PIP5K1B: variants seen among roughly 807,000 people sequenced by gnomAD.
PIP5K1B encodes phosphatidylinositol 4-phosphate 5-kinase type-1 beta.
Under a neutral mutation model 67.0 loss-of-function variants are expected in PIP5K1B, and 42 were observed. That is an observed-to-expected ratio of 0.63 (90% CI 0.49 to 0.81). The LOEUF (loss-of-function observed/expected upper bound fraction) is 0.81, where lower values mean the gene tolerates loss of function less well. PIP5K1B is among the 30% of genes least tolerant of loss of function. PIP5K1B has a pLI of 0.00. For missense variants in PIP5K1B, 459 were observed against 646.3 expected (o/e 0.71, Z 3.14); for synonymous variants, 214 against 231.4 (o/e 0.92, Z 0.68).
intron 1 of PIP5K1B, among the ~76,000 whole-genome samples, chr9:68,739,212 T>G (rs1244515116): frequency 2.0e-5 from 3 of 152,242 alleles, no homozygotes; most frequent in African/African-American, 7.2e-5. Flanking sequence ...TGTAAAGGAG[T>G]TTAAAATATT....
intron 7 of PIP5K1B, 26 bp downstream of exon 7, chr9:68,889,159 T>G (rs1443440923): frequency 6.4e-7 from 1 of 1,559,792 alleles, no homozygotes; most frequent in Admixed American, 1.8e-5. Context: ...TCATTAATGC[T>G]TCTACTTGAA....
intron 1 of PIP5K1B, among the ~76,000 whole-genome samples, chr9:68,725,216 A>G (rs1250275509): frequency 6.6e-6 from 1 of 152,172 alleles, no homozygotes; most frequent in East Asian, 1.9e-4. Context: ...CACTTGCACA[A>G]GTTGAATTTG....
intron 2 of PIP5K1B, among the ~76,000 whole-genome samples, chr9:68,767,261 T>C (rs192304696): frequency 3.6e-3 from 546 of 152,324 alleles, no homozygotes; most frequent in Admixed American, 6.6e-3. Flanking sequence ...CAGATCAATC[T>C]TGATGCAAAA....
At chr9:68,724,326 A>T (rs1828051141) in intron 1 of PIP5K1B, among the ~76,000 whole-genome samples, 1 of 151,524 alleles carries the variant, frequency 6.6e-6, no homozygotes, top group Admixed American at 6.6e-5. Flanking sequence ...AGGTAGTGTG[A>T]TGCCTTCAGC....
chr9:68,955,087 T>C (rs1381379831), intron 14 of PIP5K1B, among the ~76,000 whole-genome samples: 1 of 152,224 alleles, frequency 6.6e-6, no homozygotes, highest in Admixed American at 6.5e-5. Context: ...GAAAAATGAC[T>C]TGCCTGGAGC....
intron 15 of PIP5K1B, among the ~76,000 whole-genome samples, chr9:69,007,690 T>C (rs1230219949): frequency 6.6e-6 from 1 of 151,770 alleles, no homozygotes; most frequent in East Asian, 1.9e-4. Flanking sequence ...ACCCCATCTC[T>C]ACTAAAAATA....
At chr9:68,923,499 CTTAGTAA>C (rs1826520473) in intron 12 of PIP5K1B, 113 bp downstream of exon 12, 1 of 593,368 alleles carries the variant, frequency 1.7e-6, no homozygotes, top group African/African-American at 1.9e-5. Flanking sequence ...GCAGTAATCA[CTTAGTAA>C]TTATGGTTAA....
intron 12 of PIP5K1B, among the ~76,000 whole-genome samples, chr9:68,926,521 T>C (rs1826709976): frequency 6.6e-6 from 1 of 152,174 alleles, no homozygotes; most frequent in African/African-American, 2.4e-5. Context: ...CCTATGATTC[T>C]TGATTTATTC....
chr9:68,778,588 C>A (rs1173107663), intron 2 of PIP5K1B, among the ~76,000 whole-genome samples: 1 of 152,202 alleles, frequency 6.6e-6, no homozygotes, highest in Non-Finnish European at 1.5e-5. Flanking sequence ...CTGCTACAAC[C>A]CTAGTCCAAG....
chr9:68,726,878 C>T (rs941452440), intron 1 of PIP5K1B, among the ~76,000 whole-genome samples: 6 of 152,128 alleles, frequency 3.9e-5, no homozygotes, highest in East Asian at 3.9e-4. Context: ...ATTGCATTTC[C>T]GTGACGGCTA....
chr9:68,718,527 G>A (rs1021698924), intron 1 of PIP5K1B, among the ~76,000 whole-genome samples: 1 of 152,304 alleles, frequency 6.6e-6, no homozygotes, highest in Non-Finnish European at 1.5e-5. Context: ...AATTGAAGGG[G>A]CTCAAAATAG....
At chr9:68,995,111 C>G (rs1418090792) in intron 15 of PIP5K1B, among the ~76,000 whole-genome samples, 2 of 150,884 alleles carry the variant, frequency 1.3e-5, no homozygotes, top group Non-Finnish European at 2.9e-5. Flanking sequence ...GTCACTGCAC[C>G]CCAGCCTAGG....
In PIP5K1B at chr9:68,705,711, T is replaced by G. The variant is rs1345942703; in HGVS notation, c.-294T>G. On this transcript the variant is annotated 5_prime_UTR_variant, in exon 1 of 16. Transcript: ENST00000265382. ...GACAACGTCCCGATAACTTGCAGAC[T>G]GTGGCGCAACTGGTCTTGGTAGCGG... 3 of 151,060 alleles carry G rather than the reference T, an allele frequency of 2.0e-5. No homozygotes were observed. Among genetic ancestry groups the G allele is most frequent in the African/African-American group, 2.4e-5 (1 of 41,070 alleles). The allele number at this position is 151,060 out of a possible 1,614,324, so 9.4% of individuals were successfully genotyped here.
intron 8 of PIP5K1B, among the ~76,000 whole-genome samples, chr9:68,904,114 G>A (rs1003444253): frequency 2.0e-5 from 3 of 152,152 alleles, no homozygotes; most frequent in Non-Finnish European, 2.9e-5. Flanking sequence ...TTCAGCTTCC[G>A]CAGGTCCACA....
chr9:68,814,672 T>C (rs1259564083), intron 2 of PIP5K1B, among the ~76,000 whole-genome samples: 1 of 151,984 alleles, frequency 6.6e-6, no homozygotes, highest in Non-Finnish European at 1.5e-5. Context: ...TTTAAAAAAT[T>C]AGCCAGGTGT....
intron 2 of PIP5K1B, among the ~76,000 whole-genome samples, chr9:68,812,141 C>T (rs79216341): frequency 2.1e-3 from 313 of 152,326 alleles, no homozygotes; most frequent in African/African-American, 7.3e-3. Context: ...GAGCCCAGCT[C>T]AGCAAAATTA....
chr9:68,758,397 A>G (rs976820727), intron 2 of PIP5K1B, among the ~76,000 whole-genome samples: 1 of 152,224 alleles, frequency 6.6e-6, no homozygotes, highest in African/African-American at 2.4e-5. Context: ...AGAAATTCTC[A>G]GCAAATGAAT....
intron 5 of PIP5K1B, among the ~76,000 whole-genome samples, chr9:68,873,722 A>C (rs1023465800): frequency 6.6e-6 from 1 of 152,070 alleles, no homozygotes; most frequent in African/African-American, 2.4e-5. Flanking sequence ...CCCTGCATTC[A>C]AAGTACTTTA....
chr9:68,705,797 T>G (rs1827096146), intron 1 of PIP5K1B, 35 bp downstream of exon 1: 1 of 152,308 alleles, frequency 6.6e-6, no homozygotes, highest in Admixed American at 6.5e-5. Flanking sequence ...CCCTTCCCAC[T>G]AGACCCTTCT....
Sources: gnomAD v4.1 joint callset for allele counts (sites outside exome capture counted in the v4.1 genomes callset) on GRCh38, gnomAD v4.1.1 for gene constraint, MANE v1.5 for transcripts, NCBI Gene and HGNC (gene_info 2026-07-23, HGNC 2026-07-21) for gene names.